The following TMC1 variants were observed in gnomAD, a reference collection of about 807,000 sequenced individuals.
The protein encoded by TMC1 is transmembrane channel-like protein 1.
A neutral mutation model predicts 105.8 loss-of-function variants in TMC1; 84 were observed. The ratio of observed to expected loss-of-function variants is 0.79; its 90% CI spans 0.67 to 0.95. The LOEUF is 0.95. Among genes scored for constraint, TMC1 ranks in the 40% least tolerant of loss-of-function variants. TMC1 has a pLI of 0.00. For synonymous variants in TMC1, 315 were observed against 311.5 expected (o/e 1.01, Z -0.12); for missense variants, 817 against 914.1 (o/e 0.89, Z 1.37).
At chr9:72,708,032 A>G (rs1168217904) in intron 8 of TMC1, among the ~76,000 whole-genome samples, 3 of 152,122 alleles carry the variant, frequency 2.0e-5, no homozygotes, top group Admixed American at 2.0e-4. Context: ...TCTTTTCCCC[A>G]CATTATGTTT....
intron 12 of TMC1, among the ~76,000 whole-genome samples, chr9:72,762,015 G>A (rs1827763914): frequency 6.6e-6 from 1 of 152,088 alleles, no homozygotes; most frequent in Admixed American, 6.5e-5. Context: ...GGGGAGGGAG[G>A]CGTGTGAAGG....
At chr9:72,583,481 C>CA (rs927733601) in intron 2 of TMC1, among the ~76,000 whole-genome samples, 3 of 152,090 alleles carry the variant, frequency 2.0e-5, no homozygotes, top group Admixed American at 2.0e-4. Context: ...GTTCCCAAAA[C>CA]AAAAAAATTG....
chr9:72,544,087 G>A (rs1174969125), intron 1 of TMC1, among the ~76,000 whole-genome samples: 1 of 151,578 alleles, frequency 6.6e-6, no homozygotes, highest in Non-Finnish European at 1.5e-5. Flanking sequence ...AAGTAGCTGG[G>A]ACTACAGCAT....
chr9:72,746,265 A>C (rs2118038147), intron 10 of TMC1, among the ~76,000 whole-genome samples: 1 of 152,314 alleles, frequency 6.6e-6, no homozygotes, highest in Non-Finnish European at 1.5e-5. Flanking sequence ...CCTCAGAATA[A>C]GCCTGACATT....
In TMC1 at chr9:72,626,993, G is replaced by A. The variant is rs576695235; in HGVS notation, c.-195-928G>A. On this transcript the variant is annotated intron_variant, in intron 3 of 23. Transcript: ENST00000297784. ...GTATTTTTAATGTTATACTTTAACC[G>A]GTAGTTTTGAGTCATAAATGTACTA... is the stretch of plus-strand genomic sequence containing the variant. 1.2e-4 allele frequency among the ~76,000 whole-genome samples: 18 copies of A among 150,532 alleles called. No homozygotes were observed. The East Asian group carries it at 2.7e-3, about 23-fold the overall frequency.
intron 17 of TMC1, among the ~76,000 whole-genome samples, chr9:72,800,213 G>A (rs1337247075): frequency 1.3e-5 from 2 of 152,162 alleles, no homozygotes; most frequent in Non-Finnish European, 2.9e-5. Flanking sequence ...TTTTTGAAGT[G>A]AAGTCTGGTT....
intron 4 of TMC1, among the ~76,000 whole-genome samples, chr9:72,634,584 CT>C (rs1177748869): frequency 6.6e-6 from 1 of 152,124 alleles, no homozygotes; most frequent in African/African-American, 2.4e-5. Context: ...AGGCAGTTAG[CT>C]TGTGATGTTA....
At chr9:72,655,755 C>A (rs1030628187) in intron 5 of TMC1, 4 of 480,598 alleles carry the variant, frequency 8.3e-6, no homozygotes, top group Admixed American at 3.2e-5. Flanking sequence ...AAAAAAAAAT[C>A]ATTCAAAAGA....
chr9:72,821,155 A>G, intron 20 of TMC1, 74 bp downstream of exon 20: 2 of 1,603,322 alleles, frequency 1.2e-6, no homozygotes, highest in South Asian at 2.2e-5. Flanking sequence ...CATTCATTGT[A>G]TAAGCTATTT....
intron 11 of TMC1, among the ~76,000 whole-genome samples, chr9:72,753,705 A>G (rs910342199): frequency 2.6e-5 from 4 of 152,136 alleles, no homozygotes; most frequent in Non-Finnish European, 5.9e-5. Context: ...ACCAGAGGCC[A>G]GGGCAGTCAT....
At chr9:72,543,576 A>T (rs1196622283) in intron 1 of TMC1, among the ~76,000 whole-genome samples, 1 of 152,090 alleles carries the variant, frequency 6.6e-6, no homozygotes, top group Non-Finnish European at 1.5e-5. Context: ...TGAGGTCAGG[A>T]GTTTGAGATC....
At chr9:72,610,810 T>G (rs748468449) in intron 2 of TMC1, among the ~76,000 whole-genome samples, 2 of 152,196 alleles carry the variant, frequency 1.3e-5, no homozygotes, top group Admixed American at 6.5e-5. Flanking sequence ...AGGAGAGACC[T>G]AAAGCTGTGA....
intron 10 of TMC1, among the ~76,000 whole-genome samples, chr9:72,744,112 G>A (rs1297301995): frequency 6.6e-6 from 1 of 152,176 alleles, no homozygotes; most frequent in African/African-American, 2.4e-5. Flanking sequence ...CTCAATATCA[G>A]ATGGGAATTA....
At chr9:72,778,982 C>G (rs1828048690) in intron 13 of TMC1, among the ~76,000 whole-genome samples, 1 of 152,234 alleles carries the variant, frequency 6.6e-6, no homozygotes, top group African/African-American at 2.4e-5. Flanking sequence ...GCCACCAACA[C>G]ATGAGCACAG....
Position 72,617,364 on chromosome 9 carries a change from A to T in TMC1, c.-196+887A>T, listed in dbSNP as rs1261392490. ...TTTTTAGTAGAGACGGGGTTTCACC[A>T]TGTTGGCCAGGCTGGTCTTGATCCT... On this transcript the variant is annotated intron_variant, in intron 3 of 23. Transcript: ENST00000297784. Among the ~76,000 whole-genome samples, 3 of 152,074 alleles carry T rather than the reference A, an allele frequency of 2.0e-5. No individual in the cohort carries two copies. In the South Asian group the frequency reaches 6.3e-4, roughly 32 times the overall value.
intron 21 of TMC1, 97 bp downstream of exon 21, chr9:72,827,091 G>T: frequency 6.6e-7 from 1 of 1,521,134 alleles, no homozygotes. Flanking sequence ...CTCCCTAAGG[G>T]TTCTGCTGTA....
At chr9:72,680,350 A>C (rs1826266182) in intron 5 of TMC1, among the ~76,000 whole-genome samples, 1 of 152,104 alleles carries the variant, frequency 6.6e-6, no homozygotes, top group Non-Finnish European at 1.5e-5. Context: ...GAGAGAAAAA[A>C]TTAGGATGAA....
chr9:72,629,830 A>T (rs181917728), intron 4 of TMC1, among the ~76,000 whole-genome samples: 1 of 152,204 alleles, frequency 6.6e-6, no homozygotes, highest in Admixed American at 6.5e-5. Flanking sequence ...TCTCAATATG[A>T]TAGATATTTT....
intron 2 of TMC1, among the ~76,000 whole-genome samples, chr9:72,603,243 C>T (rs969281089): frequency 6.6e-6 from 1 of 152,036 alleles, no homozygotes; most frequent in African/African-American, 2.4e-5. Context: ...CACTGAAGGC[C>T]CAAACTACAA....
Sources: gnomAD v4.1 joint callset for allele counts (sites outside exome capture counted in the v4.1 genomes callset) on GRCh38, gnomAD v4.1.1 for gene constraint, MANE v1.5 for transcripts, NCBI Gene and HGNC (gene_info 2026-07-23, HGNC 2026-07-21) for gene names.